TOX: variants seen among roughly 807,000 people sequenced by gnomAD.
TOX encodes thymocyte selection associated high mobility group box, also known as thymocyte selection-associated high mobility group box protein TOX.
TOX carries 11 observed loss-of-function variants against 53.7 expected under a neutral mutation model. That is an observed-to-expected ratio of 0.20 (90% CI 0.13 to 0.34). The LOEUF is 0.34. Ranked by LOEUF, TOX falls within the 10% of genes least tolerant of loss-of-function variation. TOX has a pLI of 1.00. For synonymous variants in TOX, 225 were observed against 245.3 expected (o/e 0.92, Z 0.77); for missense variants, 570 against 664.6 (o/e 0.86, Z 1.56).
chr8:58,953,683 G>A (rs566078667), intron 2 of TOX, among the ~76,000 whole-genome samples: 3 of 152,262 alleles, frequency 2.0e-5, no homozygotes, highest in East Asian at 1.9e-4. Context: ...GGGCTAACTC[G>A]ATTACTCAGA....
chr8:58,957,792 T>C (rs1017555840), intron 2 of TOX, among the ~76,000 whole-genome samples: 1 of 152,200 alleles, frequency 6.6e-6, no homozygotes, highest in African/African-American at 2.4e-5. Context: ...TGATGTTATG[T>C]AGGAAAAGGA....
chr8:59,020,757 T>C (rs914854238), intron 1 of TOX, among the ~76,000 whole-genome samples: 6 of 152,174 alleles, frequency 3.9e-5, no homozygotes, highest in African/African-American at 1.4e-4. Context: ...TACATTACCA[T>C]ACCCTTTATA....
intron 1 of TOX, among the ~76,000 whole-genome samples, chr8:59,067,873 CCTT>C (rs1804123250): frequency 6.6e-6 from 1 of 152,178 alleles, no homozygotes; most frequent in African/African-American, 2.4e-5. Context: ...TTCTCTCCTA[CCTT>C]CTAAGATATA....
At chr8:58,988,412 T>C (rs1585944943) in intron 1 of TOX, among the ~76,000 whole-genome samples, 2 of 152,222 alleles carry the variant, frequency 1.3e-5, no homozygotes, top group East Asian at 1.9e-4. Context: ...AATGGCGGAG[T>C]TGAATATTTG....
Position 58,964,775 on chromosome 8 carries a change from T to C in TOX, c.103-4767A>G, listed in dbSNP as rs115920947. On this transcript the variant is annotated intron_variant, in intron 1 of 8. Transcript: ENST00000361421. ...GACATACTGCTTTTTACTCCAACACTCATAAAAAATGAGGAATCAGACTCT... is the reference window on the plus strand; with the variant it reads ...GACATACTGCTTTTTACTCCAACACCCATAAAAAATGAGGAATCAGACTCT... Among the ~76,000 whole-genome samples the C allele has an allele frequency of 4.7e-3, 711 of 152,124 alleles. 3 individuals carry two copies. The highest frequency in any genetic ancestry group is 0.017 in the African/African-American group (685 of 41,490).
At chr8:58,839,691 T>C (rs552316856) in intron 4 of TOX, among the ~76,000 whole-genome samples, 78 of 152,226 alleles carry the variant, frequency 5.1e-4, no homozygotes, top group Non-Finnish European at 1.0e-3. Context: ...CCTAACGAAG[T>C]GTCAATGCAG....
chr8:58,859,602 A>G (rs1367791826), intron 3 of TOX, among the ~76,000 whole-genome samples: 1 of 152,196 alleles, frequency 6.6e-6, no homozygotes, highest in African/African-American at 2.4e-5. Flanking sequence ...GAACAGCCAT[A>G]GTACTCTCTA....
intron 7 of TOX, among the ~76,000 whole-genome samples, chr8:58,810,333 T>C (rs979086058): frequency 1.3e-5 from 2 of 150,540 alleles, no homozygotes; most frequent in South Asian, 2.1e-4. Flanking sequence ...GTTCTCCATA[T>C]TGGATTTTTG....
At chr8:58,993,751 C>G (rs549651252) in intron 1 of TOX, among the ~76,000 whole-genome samples, 135 of 152,234 alleles carry the variant, frequency 8.9e-4, no homozygotes, top group African/African-American at 3.0e-3. Context: ...AGATGACAGA[C>G]CTTTACTCTT....
chr8:59,080,835 A>T (rs537112814), intron 1 of TOX, among the ~76,000 whole-genome samples: 1 of 152,260 alleles, frequency 6.6e-6, no homozygotes, highest in South Asian at 2.1e-4. Context: ...CTTCCTGTAC[A>T]GCCTGCAGAA....
intron 1 of TOX, among the ~76,000 whole-genome samples, chr8:59,001,145 T>C (rs1265197040): frequency 1.3e-5 from 2 of 152,208 alleles, no homozygotes; most frequent in East Asian, 3.9e-4. Context: ...GATTACTCTT[T>C]GTCTCCATTT....
rs1804642109 is a variant in TOX, at chr8:59,092,499, T to C, written c.102+26387A>G. 3.3e-5 allele frequency among the ~76,000 whole-genome samples: 5 copies of C among 150,810 alleles called. No individual in the cohort carries two copies. The Admixed American group carries it at 3.3e-4, about 10-fold the overall frequency. On this transcript the variant is annotated intron_variant, in intron 1 of 8. Transcript: ENST00000361421. ...TCACTGTACGGAAGCCAGAGTAATCTCTCTAAAATCTACATCTGATATCTC... is the reference window on the plus strand; with the variant it reads ...TCACTGTACGGAAGCCAGAGTAATCCCTCTAAAATCTACATCTGATATCTC...
chr8:58,970,928 T>C (rs1011424543), intron 1 of TOX, among the ~76,000 whole-genome samples: 3 of 152,222 alleles, frequency 2.0e-5, no homozygotes, highest in African/African-American at 7.2e-5. Context: ...CCAGGGATAC[T>C]GGAAAAAAGT....
intron 1 of TOX, among the ~76,000 whole-genome samples, chr8:59,084,401 G>A (rs1211145321): frequency 6.6e-6 from 1 of 152,080 alleles, no homozygotes; most frequent in Admixed American, 6.6e-5. Context: ...ATATTAGTCA[G>A]TTTTTAAGTG....
intron 1 of TOX, among the ~76,000 whole-genome samples, chr8:59,053,041 T>C (rs1198106675): frequency 6.6e-6 from 1 of 152,162 alleles, no homozygotes; most frequent in Non-Finnish European, 1.5e-5. Flanking sequence ...AAACTAATGA[T>C]AATTATTATT....
intron 1 of TOX, among the ~76,000 whole-genome samples, chr8:59,034,346 G>A (rs568776339): frequency 2.6e-5 from 4 of 152,210 alleles, no homozygotes; most frequent in Non-Finnish European, 5.9e-5. Context: ...CAGCGCTGAC[G>A]CAAGAGCGAG....
At chr8:58,819,664 T>C (rs1038122818) in intron 6 of TOX, among the ~76,000 whole-genome samples, 4 of 152,244 alleles carry the variant, frequency 2.6e-5, no homozygotes, top group Non-Finnish European at 5.9e-5. Flanking sequence ...CCATTTACTT[T>C]GTATAATGAA....
intron 3 of TOX, among the ~76,000 whole-genome samples, chr8:58,886,945 G>T (rs1460413448): frequency 6.6e-6 from 1 of 151,756 alleles, no homozygotes; most frequent in African/African-American, 2.4e-5. Context: ...GAATTATCAG[G>T]AAACATTAGG....
At chr8:58,943,059 C>T (rs1241318957) in intron 2 of TOX, among the ~76,000 whole-genome samples, 1 of 152,200 alleles carries the variant, frequency 6.6e-6, no homozygotes, top group Non-Finnish European at 1.5e-5. Flanking sequence ...TCAGGTATTC[C>T]TTTATTACAA....
Sources: allele counts gnomAD v4.1 joint callset (sites outside exome capture counted in the v4.1 genomes callset), GRCh38; gene constraint gnomAD v4.1.1; transcripts MANE v1.5; gene names NCBI Gene and HGNC (gene_info 2026-07-23, HGNC 2026-07-21).